Variants in WFDC10B observed in about 807,000 individuals in gnomAD.
WFDC10B encodes protein WFDC10B.
WFDC10B carries 1 observed loss-of-function variant against 2.7 expected under a neutral mutation model. The ratio of observed to expected loss-of-function variants is 0.38; its 90% CI spans 0.13 to 1.79. The LOEUF (loss-of-function observed/expected upper bound fraction) is 1.79. WFDC10B is among the 40% of genes most tolerant of loss of function. The pLI is 0.33. For synonymous variants in WFDC10B, 26 were observed against 32.2 expected, an observed-to-expected ratio of 0.81 and a Z score of 0.65; for missense variants, 71 against 87.8, an observed-to-expected ratio of 0.81 and a Z score of 0.76.
chr20:45,690,794 A>G (rs1983788492), intron 2 of WFDC10B, among the ~76,000 whole-genome samples: 1 of 151,974 alleles, frequency 6.6e-6, no homozygotes, highest in African/African-American at 2.4e-5. Flanking sequence ...CAGCTCCTAG[A>G]TTCATTAAAT....
chr20:45,693,835 C>A (rs984548658), intron 2 of WFDC10B, among the ~76,000 whole-genome samples: 4 of 152,236 alleles, frequency 2.6e-5, no homozygotes, highest in African/African-American at 7.2e-5. Flanking sequence ...GCTGCACCCA[C>A]TGACCTGCGC....
chr20:45,699,216 A>T (rs1984072751), intron 2 of WFDC10B, among the ~76,000 whole-genome samples: 1 of 152,214 alleles, frequency 6.6e-6, no homozygotes, highest in Admixed American at 6.5e-5. Context: ...AAGAGTTTGG[A>T]GTTTCCTCAA....
At chr20:45,689,509 T>A (rs1260765052) in intron 2 of WFDC10B, among the ~76,000 whole-genome samples, 3 of 152,176 alleles carry the variant, frequency 2.0e-5, no homozygotes, top group Non-Finnish European at 2.9e-5. Flanking sequence ...TATCCTCTTT[T>A]ATTTCATTGA....
chr20:45,701,525 G>A (rs1277748882), intron 2 of WFDC10B, among the ~76,000 whole-genome samples: 2 of 152,112 alleles, frequency 1.3e-5, no homozygotes, highest in Non-Finnish European at 2.9e-5. Context: ...ACTTTGAGAG[G>A]CTGAGGAGGG....
intron 2 of WFDC10B, chr20:45,702,201 GC>G: frequency 6.2e-7 from 1 of 1,612,328 alleles, no homozygotes; most frequent in South Asian, 1.1e-5. Context: ...GTCCCAAGCA[GC>G]GTGTTCTGAG....
intron 2 of WFDC10B, among the ~76,000 whole-genome samples, chr20:45,687,440 C>T (rs1390370474): frequency 6.6e-6 from 1 of 152,036 alleles, no homozygotes. Context: ...AATTTCATGT[C>T]TTTGCTATTG....
In WFDC10B at chr20:45,704,520, C is replaced by T. The variant is rs757477429; in HGVS notation, c.-88G>A. On this transcript the variant is annotated 5_prime_UTR_variant, in exon 2 of 4. Transcript: ENST00000330523. ...ACCTGTGTACAATGCAGGAAGATTG[C>T]GAGAAAGGATTTCAGTGCTGTTCCT... The T allele has an allele frequency of 6.2e-6, 10 of 1,614,124 alleles. No homozygotes were observed. The highest frequency in any genetic ancestry group is 4.5e-5 in the East Asian group (2 of 44,884).
chr20:45,686,340 A>G (rs1983617409), intron 2 of WFDC10B, among the ~76,000 whole-genome samples: 1 of 152,238 alleles, frequency 6.6e-6, no homozygotes, highest in Non-Finnish European at 1.5e-5. Context: ...AAGAAATATA[A>G]TTTTTTAAAA....
At chr20:45,693,149 G>A (rs11086976) in intron 2 of WFDC10B, among the ~76,000 whole-genome samples, 51,249 of 151,940 alleles carry the variant, frequency 0.34, 8,749 homozygotes, top group South Asian at 0.46. Context: ...GTGGTTTTTC[G>A]TGAACCGCGA....
At chr20:45,694,409 G>A (rs150248634) in intron 2 of WFDC10B, among the ~76,000 whole-genome samples, 1 of 152,278 alleles carries the variant, frequency 6.6e-6, no homozygotes, top group African/African-American at 2.4e-5. Flanking sequence ...AATACACATT[G>A]TGTCAAATAT....
intron 2 of WFDC10B, among the ~76,000 whole-genome samples, chr20:45,698,980 A>G (rs929170843): frequency 2.2e-5 from 3 of 135,328 alleles, no homozygotes; most frequent in African/African-American, 8.3e-5. Flanking sequence ...AAAAAAAAAA[A>G]GAAGAAGGAG....
intron 2 of WFDC10B, among the ~76,000 whole-genome samples, chr20:45,701,845 G>A (rs977328434): frequency 6.6e-6 from 1 of 151,642 alleles, no homozygotes; most frequent in African/African-American, 2.4e-5. Context: ...ATAAAAAAAT[G>A]TTAAGGGACA....
chr20:45,703,204 A>G (rs572103910), intron 2 of WFDC10B, among the ~76,000 whole-genome samples: 7 of 152,282 alleles, frequency 4.6e-5, no homozygotes, highest in South Asian at 2.1e-4. Context: ...CATGGTGTCT[A>G]TCTCTAAACT....
chr20:45,685,596 G>T (rs1028277653), intron 3 of WFDC10B, among the ~76,000 whole-genome samples: 3 of 152,174 alleles, frequency 2.0e-5, no homozygotes, highest in Non-Finnish European at 4.4e-5. Flanking sequence ...AAGAATAATT[G>T]TCTTGCTTTC....
chr20:45,701,790 C>A (rs997361752), intron 2 of WFDC10B, among the ~76,000 whole-genome samples: 3 of 151,606 alleles, frequency 2.0e-5, no homozygotes, highest in African/African-American at 7.3e-5. Flanking sequence ...AAATTCAATC[C>A]TCTGTGAATA....
chr20:45,701,527 TGAG>T (rs1984160392), intron 2 of WFDC10B, among the ~76,000 whole-genome samples: 1 of 152,086 alleles, frequency 6.6e-6, no homozygotes, highest in Non-Finnish European at 1.5e-5. Context: ...TTTGAGAGGC[TGAG>T]GAGGGCAGAT....
At chr20:45,697,334 G>A (rs1057498616) in intron 2 of WFDC10B, among the ~76,000 whole-genome samples, 2 of 148,502 alleles carry the variant, frequency 1.3e-5, no homozygotes, top group Non-Finnish European at 3.0e-5. Context: ...GAACATTGCT[G>A]AAAGAAATTA....
intron 2 of WFDC10B, among the ~76,000 whole-genome samples, chr20:45,697,502 C>A (rs1216981555): frequency 2.0e-5 from 3 of 149,316 alleles, no homozygotes; most frequent in African/African-American, 7.4e-5. Flanking sequence ...TAGGCGCATG[C>A]CACTACGCCC....
rs766061070 is a variant in WFDC10B at position 45,704,458 on chromosome 20, C to A, written c.-65+39G>T. ...CTGTGTTCCAGAGTATATCTTGGAA[C>A]CTCCACCCTGCATATCAGCACCTGA... On this transcript the variant is annotated intron_variant, in intron 2 of 3. Coordinates refer to ENST00000330523, the MANE Select transcript of WFDC10B (RefSeq NM_172006.2). The A allele has an allele frequency of 5.0e-6, 8 of 1,613,568 alleles. No homozygotes were observed. In the South Asian group the frequency reaches 5.5e-5, roughly 11 times the overall value.
Sources: gnomAD v4.1 joint callset for allele counts (sites outside exome capture counted in the v4.1 genomes callset) on GRCh38, gnomAD v4.1.1 for gene constraint, MANE v1.5 for transcripts, NCBI Gene and HGNC (gene_info 2026-07-23, HGNC 2026-07-21) for gene names.